The following AUTS2 variants were observed in gnomAD, a reference collection of about 807,000 sequenced individuals.
AUTS2 encodes autism susceptibility gene 2 protein.
AUTS2 carries 17 observed loss-of-function variants against 112.4 expected under a neutral mutation model. The ratio of observed to expected loss-of-function variants is 0.15; its 90% CI spans 0.10 to 0.23. The LOEUF (loss-of-function observed/expected upper bound fraction) is 0.23. AUTS2 is among the 10% of genes least tolerant of loss of function. The pLI is 1.00. For missense variants in AUTS2, 1,510 were observed against 1,701.6 expected (o/e 0.89, Z 1.98); for synonymous variants, 751 against 702.7 (o/e 1.07, Z -1.09).
Position 69,756,294 on chromosome 7 carries a change from C to A in AUTS2, c.310-142992C>A, listed in dbSNP as rs1018883077. 1.3e-4 allele frequency among the ~76,000 whole-genome samples: 20 copies of A among 152,328 alleles called. 1 individual carries two copies. Among genetic ancestry groups the A allele is most frequent in the African/African-American group, 3.6e-4 (15 of 41,578 alleles). ...AGGGTGGGAAAGAAATGCCTACAGA[C>A]AGGCTGCTAAAGCCTAAGAAGGAGG... On this transcript the variant is annotated intron_variant, in intron 1 of 18. Transcript: ENST00000342771.
At chr7:70,217,984 GGTTGAAGCAAACTTTAT>G (rs1305506916) in intron 4 of AUTS2, among the ~76,000 whole-genome samples, 1 of 152,166 alleles carries the variant, frequency 6.6e-6, no homozygotes, top group African/African-American at 2.4e-5. Context: ...TGATATAGAT[GGTTGAAGCAAACTTTAT>G]GCTGTAAAGG....
intron 1 of AUTS2, among the ~76,000 whole-genome samples, chr7:69,787,264 G>A (rs745878942): frequency 6.6e-6 from 1 of 152,138 alleles, no homozygotes; most frequent in African/African-American, 2.4e-5. Context: ...ACATAACATA[G>A]TCTATTTCAG....
At chr7:70,355,113 T>C (rs1227176980) in intron 4 of AUTS2, among the ~76,000 whole-genome samples, 1 of 151,634 alleles carries the variant, frequency 6.6e-6, no homozygotes, top group African/African-American at 2.4e-5. Flanking sequence ...TGGGTGTGTG[T>C]GTGTGTGTGT....
chr7:69,636,921 A>G (rs1392307924), intron 1 of AUTS2, among the ~76,000 whole-genome samples: 2 of 151,834 alleles, frequency 1.3e-5, no homozygotes, highest in Non-Finnish European at 2.9e-5. Context: ...GCCTGCCACC[A>G]CGTCCGGCTA....
chr7:69,837,518 G>A (rs948960481), intron 1 of AUTS2, among the ~76,000 whole-genome samples: 26 of 152,192 alleles, frequency 1.7e-4, no homozygotes, highest in Admixed American at 1.7e-3. Flanking sequence ...GCCCCACTGA[G>A]AGGAGTCTAC....
intron 1 of AUTS2, among the ~76,000 whole-genome samples, chr7:69,610,578 C>T (rs1045125267): frequency 4.6e-5 from 7 of 152,136 alleles, no homozygotes; most frequent in Admixed American, 1.3e-4. Context: ...CTCTGTTCCC[C>T]GTGCTCCTGG....
At chr7:69,696,214 G>A (rs1021702039) in intron 1 of AUTS2, among the ~76,000 whole-genome samples, 4 of 152,130 alleles carry the variant, frequency 2.6e-5, no homozygotes, top group African/African-American at 9.7e-5. Context: ...AGCTGCATAG[G>A]CTCAAGAGGA....
intron 4 of AUTS2, among the ~76,000 whole-genome samples, chr7:70,231,011 A>G (rs1440892923): frequency 2.0e-5 from 3 of 152,260 alleles, no homozygotes; most frequent in Non-Finnish European, 2.9e-5. Context: ...CTAAAGTGCT[A>G]TAGACTCTCA....
chr7:70,662,483 G>A (rs1444160109), intron 5 of AUTS2, among the ~76,000 whole-genome samples: 1 of 152,190 alleles, frequency 6.6e-6, no homozygotes, highest in Non-Finnish European at 1.5e-5. Context: ...ATTAGAAGCT[G>A]TAATCCCCAG....
chr7:69,883,809 C>G (rs540339022), intron 1 of AUTS2, among the ~76,000 whole-genome samples: 1 of 152,332 alleles, frequency 6.6e-6, no homozygotes, highest in Non-Finnish European at 1.5e-5. Flanking sequence ...TTCTCTCTCA[C>G]TGTGGTACTG....
chr7:70,460,401 A>C (rs1181689186), intron 5 of AUTS2, among the ~76,000 whole-genome samples: 1 of 119,266 alleles, frequency 8.4e-6, no homozygotes, highest in Non-Finnish European at 1.6e-5. Flanking sequence ...CCCAGGCTGG[A>C]GTGCAATGGC....
intron 2 of AUTS2, among the ~76,000 whole-genome samples, chr7:69,948,830 A>C (rs1184954681): frequency 1.3e-5 from 2 of 150,850 alleles, no homozygotes; most frequent in African/African-American, 2.4e-5. Flanking sequence ...TTTGAGACAG[A>C]GTTTCACTCT....
At chr7:69,796,462 G>A (rs1789845303) in intron 1 of AUTS2, among the ~76,000 whole-genome samples, 1 of 151,688 alleles carries the variant, frequency 6.6e-6, no homozygotes, top group Non-Finnish European at 1.5e-5. Context: ...GTTCGAGGCT[G>A]CAGTGAGCCA....
intron 4 of AUTS2, among the ~76,000 whole-genome samples, chr7:70,316,259 G>C (rs145852849): frequency 5.3e-5 from 8 of 152,172 alleles, no homozygotes; most frequent in African/African-American, 1.7e-4. Flanking sequence ...TGACAAGAGG[G>C]TAATGGATTG....
intron 4 of AUTS2, among the ~76,000 whole-genome samples, chr7:70,136,066 A>G (rs1806544423): frequency 2.0e-5 from 3 of 152,156 alleles, no homozygotes; most frequent in Non-Finnish European, 2.9e-5. Flanking sequence ...TCATTTCTAG[A>G]AACATTGAGA....
intron 5 of AUTS2, among the ~76,000 whole-genome samples, chr7:70,650,871 T>G (rs575512530): frequency 1.3e-5 from 2 of 152,180 alleles, no homozygotes; most frequent in African/African-American, 4.8e-5. Flanking sequence ...CATAAATTAA[T>G]AGTGCCAACT....
At chr7:69,860,669 AT>A (rs147348713) in intron 1 of AUTS2, among the ~76,000 whole-genome samples, 12,692 of 151,514 alleles carry the variant, frequency 0.084, 610 homozygotes, top group East Asian at 0.13. Flanking sequence ...ATGTTGCTTA[AT>A]TTTTTTTTCC....
chr7:69,858,790 C>T (rs1434107704), intron 1 of AUTS2, among the ~76,000 whole-genome samples: 1 of 152,184 alleles, frequency 6.6e-6, no homozygotes, highest in East Asian at 1.9e-4. Context: ...AGTTACTAGG[C>T]TTGCCTCACT....
intron 4 of AUTS2, among the ~76,000 whole-genome samples, chr7:70,205,717 T>G (rs1810540361): frequency 6.6e-6 from 1 of 152,172 alleles, no homozygotes; most frequent in Non-Finnish European, 1.5e-5. Context: ...AATACATTTC[T>G]CAGAACGTAT....
Sources: allele counts gnomAD v4.1 joint callset (sites outside exome capture counted in the v4.1 genomes callset), GRCh38; gene constraint gnomAD v4.1.1; transcripts MANE v1.5; gene names NCBI Gene and HGNC (gene_info 2026-07-23, HGNC 2026-07-21).